Variants in LRFN5 observed in about 807,000 individuals in gnomAD.
LRFN5 encodes the protein leucine rich repeat and fibronectin type III domain containing 5, also known as leucine-rich repeat and fibronectin type-III domain-containing protein 5.
Under a neutral mutation model 45.6 loss-of-function variants are expected in LRFN5, and 24 were observed. That is an observed-to-expected ratio of 0.53 (90% CI 0.38 to 0.74). The LOEUF (loss-of-function observed/expected upper bound fraction) is 0.74. LRFN5 is among the 30% of genes least tolerant of loss of function. The probability of loss-of-function intolerance (pLI) is 0.00; values close to 1 mark genes in which losing one functional copy is unlikely to be tolerated. For missense variants in LRFN5, 776 were observed against 861.5 expected (o/e 0.90, Z 1.24); for synonymous variants, 340 against 313.8 (o/e 1.08, Z -0.88).
intron 1 of LRFN5, among the ~76,000 whole-genome samples, chr14:41,712,888 T>C (rs1883344618): frequency 6.6e-6 from 1 of 152,144 alleles, no homozygotes; most frequent in Non-Finnish European, 1.5e-5. Context: ...TGTATAGATA[T>C]ATCACAGCAT....
intron 1 of LRFN5, among the ~76,000 whole-genome samples, chr14:41,671,861 G>A (rs1394113585): frequency 4.0e-5 from 6 of 151,882 alleles, no homozygotes; most frequent in African/African-American, 9.7e-5. Context: ...CAGGTTATCC[G>A]CCCGCCTTGG....
At chr14:41,772,432 T>A (rs1376719628) in intron 2 of LRFN5, among the ~76,000 whole-genome samples, 5 of 152,144 alleles carry the variant, frequency 3.3e-5, no homozygotes, top group Admixed American at 6.5e-5. Context: ...AATAAAGTCA[T>A]CAATAGGACA....
intron 1 of LRFN5, among the ~76,000 whole-genome samples, chr14:41,667,138 T>A (rs777763148): frequency 1.7e-4 from 26 of 152,258 alleles, no homozygotes; most frequent in Non-Finnish European, 3.5e-4. Context: ...AATTAGTGGG[T>A]AGTCAGGATC....
At chr14:41,813,958 T>G (rs558261772) in intron 2 of LRFN5, among the ~76,000 whole-genome samples, 1 of 152,322 alleles carries the variant, frequency 6.6e-6, no homozygotes, top group Non-Finnish European at 1.5e-5. Flanking sequence ...CATAAATGTC[T>G]TCTTCTGAAA....
chr14:41,879,468 T>C (rs1349549587), intron 2 of LRFN5, among the ~76,000 whole-genome samples: 1 of 151,952 alleles, frequency 6.6e-6, no homozygotes, highest in Non-Finnish European at 1.5e-5. Flanking sequence ...TACCACATTT[T>C]CTTTCCTCAT....
chr14:41,866,728 T>C (rs867831212), intron 2 of LRFN5, among the ~76,000 whole-genome samples: 10 of 152,144 alleles, frequency 6.6e-5, no homozygotes, highest in South Asian at 4.1e-4. Context: ...AGCTCCTTTA[T>C]AGAGAAAAAT....
chr14:41,893,094 T>C, intron 4 of LRFN5: 1 of 985,004 alleles, frequency 1.0e-6, no homozygotes. Context: ...TGCACTATAG[T>C]TTTTGCATTT....
intron 2 of LRFN5, among the ~76,000 whole-genome samples, chr14:41,770,341 G>A (rs565839402): frequency 7.9e-5 from 12 of 152,032 alleles, no homozygotes; most frequent in East Asian, 1.9e-4. Context: ...TACAATTATC[G>A]CTTGCCAATA....
intron 1 of LRFN5, among the ~76,000 whole-genome samples, chr14:41,722,094 A>T (rs1378644730): frequency 6.6e-6 from 1 of 151,790 alleles, no homozygotes; most frequent in Non-Finnish European, 1.5e-5. Context: ...TTTTTGTCTA[A>T]TTTGGCTAGT....
chr14:41,618,048 G>T (rs1023793185), intron 1 of LRFN5, among the ~76,000 whole-genome samples: 2 of 152,068 alleles, frequency 1.3e-5, no homozygotes, highest in African/African-American at 4.8e-5. Context: ...TTTGGCAGAG[G>T]GTGGAAAAGA....
rs184739607 is a variant in LRFN5 at position 41,900,261 on chromosome 14, C to T, written c.2142+1301C>T. Among the ~76,000 whole-genome samples the T allele has an allele frequency of 3.6e-3, 548 of 151,958 alleles. 2 individuals are homozygous for T. The highest frequency in any genetic ancestry group is 5.7e-3 in the Non-Finnish European group (385 of 67,966). The stretch of plus-strand genomic sequence containing the variant: ...TGTTGTTTCAAAATTTGGAAGCAGG[C>T]GAGTAAATGTCTACGTAAGTTTTCA... On this transcript the variant is annotated intron_variant, in intron 5 of 5. Coordinates refer to ENST00000298119, the MANE Select transcript of LRFN5 (RefSeq NM_152447.5).
At position 41,886,891 on chromosome 14, in the gene LRFN5, T is replaced by C. The variant is rs1890592105; in HGVS notation, c.266T>C (p.Phe89Ser). 6.2e-7 allele frequency: 1 copy of C among 1,614,198 alleles called. No homozygotes were observed. The highest frequency in any genetic ancestry group is 8.5e-7 in the Non-Finnish European group (1 of 1,180,020). The change falls in exon 3 of 6, where the codon TTT (phenylalanine) becomes TCT (serine). Residue 89 changes from phenylalanine to serine, a missense_variant. Around this residue, in one of 2 missense-constraint regions of LRFN5, gnomAD observed 311 missense variants for 405.1 expected, o/e 0.77. Coordinates refer to ENST00000298119, the MANE Select transcript of LRFN5 (RefSeq NM_152447.5). ...ACTCTATCCAGGAATACAATAAGTT[T>C]TATTACACCTCATGCTTTCGCTGAC... is the stretch of plus-strand genomic sequence containing the variant. ...DLTLSRNTISFITPHAFADLR... is the reference protein window; with the variant it reads ...DLTLSRNTISSITPHAFADLR...
At chr14:41,627,071 T>C (rs1888360632) in intron 1 of LRFN5, among the ~76,000 whole-genome samples, 1 of 152,120 alleles carries the variant, frequency 6.6e-6, no homozygotes, top group Non-Finnish European at 1.5e-5. Flanking sequence ...AAAAGGATAG[T>C]TTTCACATTT....
intron 1 of LRFN5, among the ~76,000 whole-genome samples, chr14:41,718,436 G>C (rs532434035): frequency 8.5e-5 from 13 of 152,160 alleles, no homozygotes; most frequent in Admixed American, 3.3e-4. Context: ...AAAAAGGGCA[G>C]AGAAATATCT....
chr14:41,722,300 T>C (rs979136716), intron 1 of LRFN5, among the ~76,000 whole-genome samples: 15 of 152,256 alleles, frequency 9.9e-5, no homozygotes, highest in Admixed American at 7.2e-4. Context: ...TTTTCAACCT[T>C]GTCTTGGGTC....
intron 2 of LRFN5, among the ~76,000 whole-genome samples, chr14:41,805,469 A>G (rs12100830): frequency 0.14 from 21,300 of 150,416 alleles, 1,613 homozygotes; most frequent in East Asian, 0.22. Context: ...CGTTAGTTAC[A>G]TATGTATACA....
At chr14:41,837,571 C>A (rs147612398) in intron 2 of LRFN5, among the ~76,000 whole-genome samples, 2,037 of 151,966 alleles carry the variant, frequency 0.013, 19 homozygotes, top group Non-Finnish European at 0.018. Context: ...ACTTTAGAGA[C>A]AAATATAAAT....
chr14:41,699,013 A>G (rs1415252552), intron 1 of LRFN5, among the ~76,000 whole-genome samples: 6 of 152,016 alleles, frequency 3.9e-5, no homozygotes, highest in African/African-American at 1.4e-4. Context: ...ATAAGCCAAT[A>G]AATTTATGAG....
chr14:41,793,798 T>A (rs559657396), intron 2 of LRFN5, among the ~76,000 whole-genome samples: 1 of 152,246 alleles, frequency 6.6e-6, no homozygotes, highest in Admixed American at 6.6e-5. Context: ...AATTAACTAC[T>A]TTCTAGCCAG....
Sources: gnomAD v4.1 joint callset for allele counts (sites outside exome capture counted in the v4.1 genomes callset) on GRCh38, gnomAD v4.1.1 for gene constraint, gnomAD v4.1.1 regional missense constraint, MANE v1.5 for transcripts, NCBI Gene and HGNC (gene_info 2026-07-23, HGNC 2026-07-21) for gene names.